LAMA2: variants seen among roughly 807,000 people sequenced by gnomAD.
LAMA2 encodes the protein laminin subunit alpha 2, also known as laminin subunit alpha-2.
LAMA2 carries 269 observed loss-of-function variants against 364.8 expected under a neutral mutation model. The observed-to-expected ratio is 0.74, with a 90% confidence interval of 0.67 to 0.82. The LOEUF (loss-of-function observed/expected upper bound fraction) is 0.82. Ranked by LOEUF, LAMA2 falls within the 40% of genes least tolerant of loss-of-function variation. LAMA2 has a pLI of 0.00. For synonymous variants in LAMA2, 1,379 were observed against 1,370.6 expected (o/e 1.01, Z -0.14); for missense variants, 3,807 against 3,873.2 (o/e 0.98, Z 0.45).
At chr6:129,410,615 GGATA>G (rs577189279) in intron 40 of LAMA2, among the ~76,000 whole-genome samples, 21 of 152,136 alleles carry the variant, frequency 1.4e-4, no homozygotes, top group Middle Eastern at 6.8e-3. Context: ...ATTAGGAGAT[GGATA>G]GATAGATAGA....
intron 1 of LAMA2, among the ~76,000 whole-genome samples, chr6:128,961,484 C>T (rs1582777011): frequency 1.3e-5 from 2 of 149,006 alleles, no homozygotes; most frequent in East Asian, 4.0e-4. Context: ...AATAGGCTGT[C>T]TGCAAGCTGA....
chr6:129,302,911 C>T lies in LAMA2; in HGVS notation c.3174+2039C>T, dbSNP rs774921488. The stretch of plus-strand genomic sequence containing the variant: ...TTGTAAATTCCTCAACCTCATTCAT[C>T]GTTTCCAATACCTTTTGAGTACTTT... On this transcript the variant is annotated intron_variant, in intron 22 of 64. Coordinates refer to ENST00000421865, the MANE Select transcript of LAMA2 (RefSeq NM_000426.4). 2.0e-5 allele frequency among the ~76,000 whole-genome samples: 3 copies of T among 152,088 alleles called. No homozygotes were observed. The South Asian group carries it at 6.2e-4, about 31-fold the overall frequency.
chr6:128,972,659 A>T (rs1782256945), intron 1 of LAMA2, among the ~76,000 whole-genome samples: 1 of 152,076 alleles, frequency 6.6e-6, no homozygotes, highest in Non-Finnish European at 1.5e-5. Context: ...ATGACTTGAG[A>T]GTGTATGCAT....
chr6:129,086,107 G>T (rs371961862), intron 3 of LAMA2, among the ~76,000 whole-genome samples: 1 of 152,158 alleles, frequency 6.6e-6, no homozygotes, highest in African/African-American at 2.4e-5. Flanking sequence ...AACTGTTGGC[G>T]GAATGCTCTC....
intron 9 of LAMA2, among the ~76,000 whole-genome samples, chr6:129,175,965 C>G (rs1047927737): frequency 1.3e-5 from 2 of 151,464 alleles, no homozygotes; most frequent in Non-Finnish European, 2.9e-5. Context: ...TTTTTCAAAT[C>G]TCTTTACTTC....
Position 129,449,000 on chromosome 6 carries a change from A to G in LAMA2, c.6429+3179A>G, listed in dbSNP as rs73775421. On this transcript the variant is annotated intron_variant, in intron 45 of 64. Coordinates refer to ENST00000421865, the MANE Select transcript of LAMA2 (RefSeq NM_000426.4). ...TTCTAGAGATACAGTATTTTGATTT[A>G]CCTGTTTTAAGTTGTTTAAAAGAAA... Among the ~76,000 whole-genome samples the G allele has an allele frequency of 3.0e-3, 458 of 152,316 alleles. 5 individuals carry two copies. Among genetic ancestry groups the G allele is most frequent in the African/African-American group, 0.01 (429 of 41,558 alleles).
chr6:128,963,159 A>G (rs1441753507), intron 1 of LAMA2, among the ~76,000 whole-genome samples: 1 of 152,124 alleles, frequency 6.6e-6, no homozygotes, highest in Non-Finnish European at 1.5e-5. Context: ...GTAACTGATC[A>G]TAACTAGATA....
intron 27 of LAMA2, among the ~76,000 whole-genome samples, chr6:129,317,299 T>C (rs1774674096): frequency 6.6e-6 from 1 of 152,200 alleles, no homozygotes; most frequent in South Asian, 2.1e-4. Flanking sequence ...TTGTAAATAG[T>C]CTTATATAAT....
chr6:129,413,298 A>G (rs541285191), intron 40 of LAMA2, among the ~76,000 whole-genome samples: 1 of 152,302 alleles, frequency 6.6e-6, no homozygotes, highest in East Asian at 1.9e-4. Context: ...CTATGGATAA[A>G]TAAAGATAAA....
At chr6:129,216,206 G>A (rs2115083064) in intron 12 of LAMA2, among the ~76,000 whole-genome samples, 1 of 152,230 alleles carries the variant, frequency 6.6e-6, no homozygotes, top group Non-Finnish European at 1.5e-5. Flanking sequence ...CAGTAGAGAT[G>A]GAAACTTTAT....
rs1715119555 is a variant in LAMA2 at position 129,516,561 on chromosome 6, TC to T, written c.*215del. The T allele has an allele frequency of 8.8e-6, 5 of 569,994 alleles. No individual in the cohort carries two copies. The highest frequency in any genetic ancestry group is 1.5e-5 in the Non-Finnish European group (5 of 323,928). The allele number at this position is 569,994 out of a possible 1,614,324, so 35.3% of individuals were successfully genotyped here. On this transcript the variant is annotated 3_prime_UTR_variant, in exon 65 of 65. Coordinates refer to ENST00000421865, the MANE Select transcript of LAMA2 (RefSeq NM_000426.4). ...AATAATATTAAACTGATTATTTCAT[TC>T]TAAATAATTGCCTGTTTTGTGTGAT... is the stretch of plus-strand genomic sequence containing the variant.
intron 1 of LAMA2, among the ~76,000 whole-genome samples, chr6:128,962,418 A>T (rs1781591604): frequency 6.6e-6 from 1 of 151,844 alleles, no homozygotes; most frequent in South Asian, 2.1e-4. Context: ...TACCAATGGT[A>T]TGAAACTCTT....
intron 3 of LAMA2, among the ~76,000 whole-genome samples, chr6:129,077,102 G>T (rs1241578866): frequency 6.6e-6 from 1 of 152,032 alleles, no homozygotes; most frequent in African/African-American, 2.4e-5. Flanking sequence ...CATACTAAAA[G>T]CTTACAGTTG....
At chr6:129,331,827 A>C (rs1322050917) in intron 29 of LAMA2, among the ~76,000 whole-genome samples, 1 of 151,978 alleles carries the variant, frequency 6.6e-6, no homozygotes, top group Non-Finnish European at 1.5e-5. Context: ...CCTCTTCTAT[A>C]CTGGATTCAA....
chr6:129,305,712 G>A (rs1360808319), intron 22 of LAMA2, among the ~76,000 whole-genome samples: 1 of 151,826 alleles, frequency 6.6e-6, no homozygotes, highest in East Asian at 1.9e-4. Flanking sequence ...TAATAATTTG[G>A]CCTTTTAATT....
chr6:129,159,027 C>T (rs1779301083), intron 8 of LAMA2: 6 of 1,580,798 alleles, frequency 3.8e-6, no homozygotes, highest in Admixed American at 3.3e-5. Context: ...ATCCCAGTGC[C>T]GTGGAGCATA....
chr6:128,936,581 C>A (rs1028262991), intron 1 of LAMA2, among the ~76,000 whole-genome samples: 3 of 152,078 alleles, frequency 2.0e-5, no homozygotes, highest in Admixed American at 1.3e-4. Context: ...TATGTATATA[C>A]CTATGAAAAA....
intron 23 of LAMA2, among the ~76,000 whole-genome samples, chr6:129,313,539 G>A (rs1215606999): frequency 6.6e-6 from 1 of 152,150 alleles, no homozygotes; most frequent in Admixed American, 6.5e-5. Flanking sequence ...ATTTACTGCT[G>A]TGGAAGTTTA....
At chr6:128,920,776 A>G (rs1296767920) in intron 1 of LAMA2, among the ~76,000 whole-genome samples, 1 of 151,918 alleles carries the variant, frequency 6.6e-6, no homozygotes, top group Non-Finnish European at 1.5e-5. Context: ...ATGAGACAAA[A>G]TACAACTTTA....
Sources: gnomAD v4.1 joint callset for allele counts (sites outside exome capture counted in the v4.1 genomes callset) on GRCh38, gnomAD v4.1.1 for gene constraint, MANE v1.5 for transcripts, NCBI Gene and HGNC (gene_info 2026-07-23, HGNC 2026-07-21) for gene names.